The following ZNF723 variants were observed in gnomAD, a reference collection of about 807,000 sequenced individuals.
ZNF723 encodes zinc finger protein 723.
A neutral mutation model predicts 9.4 loss-of-function variants in ZNF723; 5 were observed. The ratio of observed to expected loss-of-function variants is 0.53; its 90% confidence interval spans 0.28 to 1.12. The LOEUF (loss-of-function observed/expected upper bound fraction) is 1.12, where lower values mean the gene tolerates loss of function less well. Among genes scored for constraint, ZNF723 ranks in the 50% most tolerant of loss-of-function variants. The pLI is 0.10. For missense variants in ZNF723, 450 were observed against 501.5 expected, an observed-to-expected ratio of 0.90 and a Z score of 0.98; for synonymous variants, 158 against 168.8, an observed-to-expected ratio of 0.94 and a Z score of 0.49.
the ZNF723 span, among the ~76,000 whole-genome samples, chr19:22,826,823 T>G: frequency 1.2e-4 from 19 of 152,216 alleles, no homozygotes; most frequent in Non-Finnish European, 1.6e-4. Flanking sequence ...TGTAGAGAAT[T>G]TTGCTGCCAA....
In ZNF723 at chr19:22,850,494, C is replaced by CTT. The variant is rs35158906; in HGVS notation, c.226+1212_226+1213dup. Reference sequence around the variant, plus strand: ...AGTGCTGGGATCACAGGCGCTGGGTCTTTTTTTTTTTTCTTTTTACTGAGA... The same window carrying CTT: ...AGTGCTGGGATCACAGGCGCTGGGTCTTTTTTTTTTTTTTCTTTTTACTGAGA... On this transcript the variant is annotated intron_variant, in intron 3 of 3. Coordinates refer to ENST00000600766, the MANE Select transcript of ZNF723 (RefSeq NM_001349726.2). Among the ~76,000 whole-genome samples, 13 of 139,540 alleles carry CTT rather than the reference C, an allele frequency of 9.3e-5. No individual in the cohort carries two copies. The East Asian group carries it at 1.1e-3, about 11-fold the overall frequency. 91.5% of individuals were successfully genotyped at this position (139,540 alleles called of 152,430 possible). A position where few individuals can be genotyped will look rare whatever the true frequency, so the allele number is the denominator to read the frequency against.
At chr19:22,840,196 G>A (rs934637969) in intron 1 of ZNF723, among the ~76,000 whole-genome samples, 8 of 151,350 alleles carry the variant, frequency 5.3e-5, no homozygotes, top group Admixed American at 3.3e-4. Context: ...TTTTTGAGAC[G>A]GAGTTTCGCT....
At chr19:22,819,282 G>A in the ZNF723 span, among the ~76,000 whole-genome samples, 2 of 152,182 alleles carry the variant, frequency 1.3e-5, no homozygotes, top group African/African-American at 4.8e-5. Flanking sequence ...TCTTTTGCCT[G>A]GGCTTTTAGC....
intron 3 of ZNF723, among the ~76,000 whole-genome samples, chr19:22,851,953 A>AT (rs1004312061): frequency 3.3e-5 from 5 of 151,596 alleles, no homozygotes; most frequent in Admixed American, 2.6e-4. Flanking sequence ...CGCCTGGCTA[A>AT]TTTTTTTGTA....
intron 1 of ZNF723, among the ~76,000 whole-genome samples, chr19:22,846,547 C>T (rs970300137): frequency 2.0e-5 from 3 of 152,164 alleles, no homozygotes; most frequent in Non-Finnish European, 2.9e-5. Flanking sequence ...CGCTTGAACC[C>T]GGGAGGTGGA....
In ZNF723 at chr19:22,858,470, TAAAAG is replaced by T; in HGVS notation, c.*41_*45del. 3.2e-6 allele frequency: 2 copies of T among 631,738 alleles called. No individual in the cohort carries two copies. The highest frequency in any genetic ancestry group is 5.4e-6 in the Non-Finnish European group (2 of 367,100). 39.1% of individuals were successfully genotyped at this position (631,738 alleles called of 1,614,324 possible). A position where few individuals can be genotyped will look rare whatever the true frequency, so the allele number is the denominator to read the frequency against. On this transcript the variant is annotated 3_prime_UTR_variant, in exon 4 of 4. Coordinates refer to ENST00000600766, the MANE Select transcript of ZNF723 (RefSeq NM_001349726.2). ...ATGAAATCCCAAACTTTTTTAAACA[TAAAAG>T]AAATGCTGGTGGCCAGGCACAGTAG...
upstream of ZNF723, among the ~76,000 whole-genome samples, chr19:22,829,328 C>T (rs2145199276): frequency 6.6e-6 from 1 of 150,612 alleles, no homozygotes; most frequent in East Asian, 2.0e-4. Flanking sequence ...CTCTGTGGCC[C>T]AGACTGGAGT....
upstream of ZNF723, among the ~76,000 whole-genome samples, chr19:22,828,223 T>G (rs1161967907): frequency 2.0e-5 from 3 of 152,214 alleles, no homozygotes; most frequent in Admixed American, 6.5e-5. Flanking sequence ...CATATGTGAC[T>G]ATGAAGACAC....
chr19:22,857,293 G>A lies in ZNF723; in HGVS notation c.402G>A (p.Lys134=). 1.2e-6 allele frequency: 1 copy of A among 815,538 alleles called. No homozygotes were observed. Among genetic ancestry groups the A allele is most frequent in the East Asian group, 2.4e-5 (1 of 41,384 alleles). The allele number at this position is 815,538 out of a possible 1,614,324, so 50.5% of individuals were successfully genotyped here. Residue 134 remains lysine (K), a synonymous_variant, in exon 4 of 4, where the codon AAG becomes AAA. Transcript: ENST00000600766. ...ACAAAGGAGGTTATGATGAACTTAA[G>A]CAATGTTTGACAACTACCCCGAGCA... ...KMHKGGYDEL[K]QCLTTTPSKI...
At chr19:22,846,732 T>C (rs1041180223) in intron 1 of ZNF723, among the ~76,000 whole-genome samples, 1 of 151,364 alleles carries the variant, frequency 6.6e-6, no homozygotes, top group Admixed American at 6.6e-5. Context: ...TACTAAAAAT[T>C]ACAGAAAATG....
intron 3 of ZNF723, among the ~76,000 whole-genome samples, chr19:22,850,404 A>G (rs569676563): frequency 5.4e-5 from 8 of 147,434 alleles, no homozygotes; most frequent in Non-Finnish European, 1.0e-4. Context: ...CCGGGGTTTC[A>G]CCATGTAGGC....
At chr19:22,815,575 A>G in the ZNF723 span, among the ~76,000 whole-genome samples, 1 of 152,124 alleles carries the variant, frequency 6.6e-6, no homozygotes, top group South Asian at 2.1e-4. Context: ...AACCTACTTG[A>G]TGTGACTTTC....
chr19:22,843,993 G>A (rs1967278532), intron 1 of ZNF723, among the ~76,000 whole-genome samples: 1 of 152,100 alleles, frequency 6.6e-6, no homozygotes, highest in East Asian at 1.9e-4. Context: ...CCCTGCCCCA[G>A]TTCTGTTCAG....
At chr19:22,816,479 G>A in the ZNF723 span, among the ~76,000 whole-genome samples, 1 of 152,192 alleles carries the variant, frequency 6.6e-6, no homozygotes, top group South Asian at 2.1e-4. Context: ...GAGATTGTGG[G>A]TTATAAACTT....
At chr19:22,829,796 C>A (rs1383530910), upstream of ZNF723, among the ~76,000 whole-genome samples, 1 of 152,082 alleles carries the variant, frequency 6.6e-6, no homozygotes, top group Non-Finnish European at 1.5e-5. Context: ...CATTCTTGTA[C>A]CAGCCACATT....
At chr19:22,837,662 G>C (rs1967183970) in intron 1 of ZNF723, among the ~76,000 whole-genome samples, 1 of 152,076 alleles carries the variant, frequency 6.6e-6, no homozygotes. Context: ...GAGAAAAGGA[G>C]TTCTGATGAC....
chr19:22,813,075 G>A, the ZNF723 span, among the ~76,000 whole-genome samples: 3 of 152,132 alleles, frequency 2.0e-5, no homozygotes, highest in Non-Finnish European at 4.4e-5. Flanking sequence ...CTGGGTTCAA[G>A]CGATTCTCTT....
upstream of ZNF723, among the ~76,000 whole-genome samples, chr19:22,830,534 A>C (rs1967082760): frequency 6.6e-6 from 1 of 152,106 alleles, no homozygotes; most frequent in South Asian, 2.1e-4. Flanking sequence ...TAAAAAAAAA[A>C]AATCCAGCTT....
At chr19:22,836,269 G>A (rs565198727) in intron 1 of ZNF723, among the ~76,000 whole-genome samples, 2 of 152,140 alleles carry the variant, frequency 1.3e-5, no homozygotes, top group Non-Finnish European at 2.9e-5. Context: ...TCAGGCAGAC[G>A]CAGTTAAGGT....
Sources: allele counts gnomAD v4.1 joint callset (sites outside exome capture counted in the v4.1 genomes callset), GRCh38; gene constraint gnomAD v4.1.1; transcripts MANE v1.5; gene names NCBI Gene and HGNC (gene_info 2026-07-23, HGNC 2026-07-21).